DLG2: variants seen among roughly 807,000 people sequenced by gnomAD.
DLG2 encodes the protein discs large MAGUK scaffold protein 2, also known as disks large homolog 2.
Under a neutral mutation model 132.5 loss-of-function variants are expected in DLG2, and 45 were observed. That is an observed-to-expected ratio of 0.34 (90% confidence interval 0.27 to 0.44). The LOEUF (loss-of-function observed/expected upper bound fraction) is 0.44. DLG2 is among the 20% of genes least tolerant of loss of function. The pLI, the probability that DLG2 is intolerant of heterozygous loss-of-function variation, is 1.00. For synonymous variants in DLG2, 424 were observed against 419.6 expected (o/e 1.01, Z -0.13); for missense variants, 1,045 against 1,196.9 (o/e 0.87, Z 1.87).
At chr11:84,304,413 G>A (rs1235391163) in intron 7 of DLG2, among the ~76,000 whole-genome samples, 1 of 152,238 alleles carries the variant, frequency 6.6e-6, no homozygotes, top group Non-Finnish European at 1.5e-5. Context: ...AGAGGAAGAT[G>A]TGCTTAATCC....
intron 7 of DLG2, among the ~76,000 whole-genome samples, chr11:84,363,128 A>G (rs1466322645): frequency 6.6e-6 from 1 of 151,334 alleles, no homozygotes; most frequent in Non-Finnish European, 1.5e-5. Context: ...TCCCACCAAC[A>G]GTGTAAAAGT....
chr11:83,507,459 T>C (rs11233647), intron 21 of DLG2, among the ~76,000 whole-genome samples: 1 of 127,202 alleles, frequency 7.9e-6, no homozygotes, highest in African/African-American at 2.8e-5. Context: ...TATATACACA[T>C]ATATATACCC....
intron 2 of DLG2, among the ~76,000 whole-genome samples, chr11:85,615,538 G>A (rs1049837060): frequency 6.6e-6 from 1 of 151,842 alleles, no homozygotes; most frequent in Non-Finnish European, 1.5e-5. Context: ...ATTAAAAATT[G>A]CATCTTCAGC....
intron 6 of DLG2, among the ~76,000 whole-genome samples, chr11:84,638,740 C>T (rs893447993): frequency 1.3e-5 from 2 of 152,120 alleles, no homozygotes; most frequent in Non-Finnish European, 2.9e-5. Flanking sequence ...GGACTTAACA[C>T]AGAACTCTGT....
At chr11:84,110,871 G>T (rs2093310006) in intron 9 of DLG2, among the ~76,000 whole-genome samples, 1 of 152,216 alleles carries the variant, frequency 6.6e-6, no homozygotes, top group African/African-American at 2.4e-5. Context: ...CTGCAAGCCA[G>T]AGATATAGTC....
intron 3 of DLG2, among the ~76,000 whole-genome samples, chr11:85,451,972 T>G (rs964437170): frequency 5.3e-5 from 8 of 152,228 alleles, no homozygotes; most frequent in Non-Finnish European, 1.0e-4. Flanking sequence ...TGAAATTTCT[T>G]TTTTTTATTT....
rs1222286612 is a variant in DLG2 at position 83,547,011 on chromosome 11, T to C, written c.1941-5153A>G. On this transcript the variant is annotated intron_variant, in intron 19 of 27. Transcript: ENST00000376104. Reference sequence around the variant, plus strand: ...ATGAATTTCCTACGATACCAACCTCTATGCTCTTTTGCAAGCAACTCTTTC... The same window carrying C: ...ATGAATTTCCTACGATACCAACCTCCATGCTCTTTTGCAAGCAACTCTTTC... 3.3e-5 allele frequency among the ~76,000 whole-genome samples: 5 copies of C among 152,124 alleles called. No individual in the cohort carries two copies. The East Asian group carries it at 9.6e-4, about 29-fold the overall frequency.
intron 3 of DLG2, among the ~76,000 whole-genome samples, chr11:85,295,619 G>T (rs779188020): frequency 3.3e-5 from 5 of 152,134 alleles, no homozygotes; most frequent in Non-Finnish European, 7.4e-5. Flanking sequence ...TGCTGCAACA[G>T]TATGCATAAT....
chr11:83,791,030 C>T (rs997530345), intron 17 of DLG2: 18 of 754,964 alleles, frequency 2.4e-5, no homozygotes, highest in East Asian at 4.9e-5. Flanking sequence ...GTTCCTGGCA[C>T]GCGGTCTCAG....
At chr11:83,519,487 A>G (rs2095408906) in intron 21 of DLG2, among the ~76,000 whole-genome samples, 1 of 152,176 alleles carries the variant, frequency 6.6e-6, no homozygotes, top group African/African-American at 2.4e-5. Context: ...AGGTAACATC[A>G]TTATAAAAAG....
At chr11:85,582,704 A>AAAAAAAAT (rs1410063278) in intron 3 of DLG2, among the ~76,000 whole-genome samples, 1 of 142,634 alleles carries the variant, frequency 7.0e-6, no homozygotes, top group Admixed American at 7.1e-5. Flanking sequence ...AAAAAAAAAA[A>AAAAAAAAT]ACTCGTGCAG....
At chr11:85,063,830 A>C (rs1288975452) in intron 6 of DLG2, among the ~76,000 whole-genome samples, 1 of 151,840 alleles carries the variant, frequency 6.6e-6, no homozygotes, top group East Asian at 1.9e-4. Context: ...ATGGTACCAG[A>C]AACTTCACTT....
intron 7 of DLG2, among the ~76,000 whole-genome samples, chr11:84,393,248 C>T (rs1400758920): frequency 2.0e-5 from 3 of 151,990 alleles, no homozygotes; most frequent in Non-Finnish European, 2.9e-5. Flanking sequence ...AGCAAAGATG[C>T]ATATGGTATC....
chr11:83,693,569 G>A (rs1372426001), intron 18 of DLG2, among the ~76,000 whole-genome samples: 3 of 152,130 alleles, frequency 2.0e-5, no homozygotes, highest in African/African-American at 7.2e-5. Flanking sequence ...TGATAAAAGG[G>A]AAAGTAATAC....
At chr11:85,090,037 T>C (rs982397948) in intron 6 of DLG2, among the ~76,000 whole-genome samples, 1 of 152,200 alleles carries the variant, frequency 6.6e-6, no homozygotes, top group African/African-American at 2.4e-5. Context: ...TTGGGCATAA[T>C]ATTCTATTAT....
At chr11:84,557,625 T>C (rs1238925826) in intron 6 of DLG2, among the ~76,000 whole-genome samples, 3 of 152,152 alleles carry the variant, frequency 2.0e-5, no homozygotes, top group Admixed American at 2.0e-4. Flanking sequence ...TTTTAATTTT[T>C]TACAGTATGT....
At chr11:83,705,599 C>A (rs1258668628) in intron 18 of DLG2, among the ~76,000 whole-genome samples, 8 of 152,052 alleles carry the variant, frequency 5.3e-5, no homozygotes, top group Non-Finnish European at 1.2e-4. Context: ...CCTTTAAATT[C>A]AAATCTACTT....
intron 6 of DLG2, among the ~76,000 whole-genome samples, chr11:85,070,209 G>A (rs1009400794): frequency 1.3e-5 from 2 of 151,676 alleles, no homozygotes; most frequent in Non-Finnish European, 2.9e-5. Flanking sequence ...TGTAAATGAC[G>A]AGTTAATGGG....
chr11:84,323,701 T>G (rs915410756), intron 7 of DLG2, among the ~76,000 whole-genome samples: 1 of 151,394 alleles, frequency 6.6e-6, no homozygotes, highest in African/African-American at 2.4e-5. Flanking sequence ...CAACAACATT[T>G]TTTTTGCTTT....
Sources: gnomAD v4.1 joint callset for allele counts (sites outside exome capture counted in the v4.1 genomes callset) on GRCh38, gnomAD v4.1.1 for gene constraint, MANE v1.5 for transcripts, NCBI Gene and HGNC (gene_info 2026-07-23, HGNC 2026-07-21) for gene names.